The following SRPK2 variants were observed in gnomAD, a reference collection of about 807,000 sequenced individuals.
SRPK2 encodes the protein SFRS protein kinase 2.
In SRPK2, 21 loss-of-function variants were observed where a neutral mutation model predicts 90.8. The observed-to-expected ratio is 0.23, with a 90% CI of 0.16 to 0.33. The LOEUF is 0.33. SRPK2 is among the 10% of genes least tolerant of loss of function. The pLI is 1.00. For synonymous variants in SRPK2, 288 were observed against 311.1 expected, an observed-to-expected ratio of 0.93 and a Z score of 0.78; for missense variants, 620 against 869.0, an observed-to-expected ratio of 0.71 and a Z score of 3.60.
chr7:105,205,513 TCTCTCACACACA>T (rs758859761), intron 2 of SRPK2, among the ~76,000 whole-genome samples: 487 of 61,130 alleles, frequency 8.0e-3, no homozygotes, highest in East Asian at 0.016. Flanking sequence ...TCTCTCTCTC[TCTCTCACACACA>T]CACACACACA....
At chr7:105,183,489 C>A (rs1793156729) in intron 3 of SRPK2, among the ~76,000 whole-genome samples, 1 of 151,732 alleles carries the variant, frequency 6.6e-6, no homozygotes, top group African/African-American at 2.4e-5. Context: ...GTTTGTTTGT[C>A]TATTTTTGTT....
intron 2 of SRPK2, among the ~76,000 whole-genome samples, chr7:105,241,940 T>C (rs10248954): frequency 0.19 from 28,885 of 151,996 alleles, 3,438 homozygotes; most frequent in East Asian, 0.58. Context: ...GAAAAGGTCA[T>C]TGGGGCCACT....
intron 2 of SRPK2, among the ~76,000 whole-genome samples, chr7:105,372,662 C>T (rs1464410233): frequency 2.0e-5 from 3 of 152,126 alleles, no homozygotes; most frequent in Admixed American, 1.3e-4. Context: ...GGTGGTCATG[C>T]GCCTAGAATT....
intron 2 of SRPK2, among the ~76,000 whole-genome samples, chr7:105,346,189 A>G (rs887320629): frequency 6.6e-6 from 1 of 152,222 alleles, no homozygotes; most frequent in Non-Finnish European, 1.5e-5. Context: ...AAGGTTTTAA[A>G]GTTTTTTAAA....
intron 7 of SRPK2, among the ~76,000 whole-genome samples, chr7:105,159,470 A>AAAAAAAAAAAAAAAC (rs1563005939): frequency 1.3e-5 from 2 of 149,002 alleles, no homozygotes; most frequent in Non-Finnish European, 3.0e-5. Context: ...AAAAAAAAAA[A>AAAAAAAAAAAAAAAC]AAACCGTACA....
chr7:105,146,714 T>C, intron 7 of SRPK2, 56 bp from the exon 8 acceptor site: 1 of 1,529,254 alleles, frequency 6.5e-7, no homozygotes, highest in Non-Finnish European at 8.9e-7. Context: ...ATTATATAAC[T>C]TTTATTTATT....
chr7:105,335,318 G>A (rs1224589663), intron 2 of SRPK2, among the ~76,000 whole-genome samples: 3 of 152,028 alleles, frequency 2.0e-5, no homozygotes, highest in Non-Finnish European at 1.5e-5. Context: ...GATTTTAAAA[G>A]AACTATGAGC....
Position 105,134,871 on chromosome 7 carries a change from C to G in SRPK2, c.1544-1767G>C, listed in dbSNP as rs145965911. On this transcript the variant is annotated intron_variant, in intron 11 of 15. Coordinates refer to ENST00000393651, the MANE Select transcript of SRPK2 (RefSeq NM_182692.3). ...AGGTACAGATATTCCCTGCTTGCTA[C>G]CTTCCATATGCCTGTTTCCTTCTTT... Among the ~76,000 whole-genome samples the G allele has an allele frequency of 3.3e-5, 5 of 152,360 alleles. No homozygotes were observed. In the East Asian group the frequency reaches 9.6e-4, roughly 29 times the overall value.
chr7:105,243,723 CT>C (rs1482822572), intron 2 of SRPK2, among the ~76,000 whole-genome samples: 1 of 150,676 alleles, frequency 6.6e-6, no homozygotes, highest in African/African-American at 2.4e-5. Context: ...TTACAATAGA[CT>C]GAATTTGCAG....
intron 2 of SRPK2, among the ~76,000 whole-genome samples, chr7:105,334,309 A>G (rs1814796396): frequency 1.3e-5 from 2 of 152,108 alleles, no homozygotes; most frequent in African/African-American, 4.8e-5. Flanking sequence ...TCATCTCTTG[A>G]CCTCGTGATC....
In SRPK2 at chr7:105,143,125, C is replaced by G. The variant is rs1294618840; in HGVS notation, c.1019G>C (p.Gly340Ala). ...CTCTGCCTCAGCCGCCTCCTCTAAT[C>G]CTGTTGTTTTTAGTTTCACCTCTGG... ...YCPEVKLKTT[G>A]LEEAAEAETA... The change falls in exon 10 of 16, where the codon GGA becomes GCA. Residue 340 changes from glycine to alanine, a missense_variant. Gly to Ala is a moderately conservative substitution (Grantham distance 60). This residue lies in a region of SRPK2 where 243 missense variants were observed against 245.7 expected (regional missense o/e 0.99). Coordinates refer to ENST00000393651, the MANE Select transcript of SRPK2 (RefSeq NM_182692.3). The G allele has an allele frequency of 1.2e-6, 2 of 1,614,020 alleles. No homozygotes were observed. The highest frequency in any genetic ancestry group is 1.7e-6 in the Non-Finnish European group (2 of 1,180,032).
At chr7:105,351,102 C>G (rs1316540366) in intron 2 of SRPK2, among the ~76,000 whole-genome samples, 2 of 151,964 alleles carry the variant, frequency 1.3e-5, no homozygotes, top group African/African-American at 2.4e-5. Flanking sequence ...ATGAATGGAA[C>G]CTATTCATGG....
intron 2 of SRPK2, among the ~76,000 whole-genome samples, chr7:105,284,223 T>G (rs1037666704): frequency 6.6e-6 from 1 of 152,122 alleles, no homozygotes; most frequent in African/African-American, 2.4e-5. Flanking sequence ...AAGGGAGTGG[T>G]CATCAAGGTC....
intron 2 of SRPK2, among the ~76,000 whole-genome samples, chr7:105,279,460 T>TC (rs879759317): frequency 3.3e-5 from 5 of 151,740 alleles, no homozygotes; most frequent in African/African-American, 9.7e-5. Flanking sequence ...GAAAAGTGAG[T>TC]CATTCTCTCC....
At chr7:105,396,812 AAGAGAGAAAGAG>A (rs1164345299) in intron 1 of SRPK2, among the ~76,000 whole-genome samples, 1 of 71,508 alleles carries the variant, frequency 1.4e-5, no homozygotes, top group Non-Finnish European at 3.4e-5. Context: ...GAAAGAAAGA[AAGAGAGAAAGAG>A]AGAGAGAGAG....
intron 2 of SRPK2, among the ~76,000 whole-genome samples, chr7:105,284,350 G>A (rs913398683): frequency 1.3e-5 from 2 of 152,142 alleles, no homozygotes; most frequent in Non-Finnish European, 1.5e-5. Flanking sequence ...TCTCGTGTAC[G>A]CCATCTTAGT....
intron 2 of SRPK2, among the ~76,000 whole-genome samples, chr7:105,294,460 T>C (rs1478344792): frequency 1.3e-5 from 2 of 152,336 alleles, no homozygotes; most frequent in Middle Eastern, 3.4e-3. Context: ...CTTGTGAGGT[T>C]TGAAACGAAG....
At chr7:105,217,254 A>G (rs1585213409) in intron 2 of SRPK2, among the ~76,000 whole-genome samples, 1 of 152,208 alleles carries the variant, frequency 6.6e-6, no homozygotes, top group Non-Finnish European at 1.5e-5. Flanking sequence ...GGTTACAAAC[A>G]GTTAATTATC....
intron 2 of SRPK2, among the ~76,000 whole-genome samples, chr7:105,209,206 G>C (rs1362470715): frequency 2.0e-4 from 30 of 152,138 alleles, no homozygotes. Context: ...GTTTAAACAA[G>C]GTGCTAATTT....
Sources: allele counts gnomAD v4.1 joint callset (sites outside exome capture counted in the v4.1 genomes callset), GRCh38; gene constraint gnomAD v4.1.1; regional missense constraint gnomAD v4.1.1; transcripts MANE v1.5; gene names NCBI Gene and HGNC (gene_info 2026-07-23, HGNC 2026-07-21).